Variants in CAMK1D observed in about 807,000 individuals in gnomAD.
The protein encoded by CAMK1D is calcium/calmodulin dependent protein kinase ID.
In CAMK1D, 9 loss-of-function variants were observed where a neutral mutation model predicts 47.7. That is an observed-to-expected ratio of 0.19 (90% CI 0.11 to 0.33). The LOEUF (loss-of-function observed/expected upper bound fraction) is 0.33, where lower values mean the gene tolerates loss of function less well. Among genes scored for constraint, CAMK1D ranks in the 10% least tolerant of loss-of-function variants. CAMK1D has a pLI of 1.00. For synonymous variants in CAMK1D, 184 were observed against 184.9 expected (o/e 0.99, Z 0.04); for missense variants, 291 against 488.7 (o/e 0.60, Z 3.81).
chr10:12,440,302 T>G (rs939665220), intron 1 of CAMK1D, among the ~76,000 whole-genome samples: 1 of 125,432 alleles, frequency 8.0e-6, no homozygotes. Context: ...TTTTTTTTTT[T>G]GAGACGGAGT....
chr10:12,700,248 A>G (rs1833459383), intron 3 of CAMK1D, among the ~76,000 whole-genome samples: 1 of 152,202 alleles, frequency 6.6e-6, no homozygotes, highest in Non-Finnish European at 1.5e-5. Flanking sequence ...AAAGAGGTTT[A>G]GTTGACTCCC....
chr10:12,817,009 T>C lies in CAMK1D; in HGVS notation c.833+681T>C, dbSNP rs572350151. Among the ~76,000 whole-genome samples the C allele has an allele frequency of 8.1e-3, 914 of 112,288 alleles. 8 individuals carry two copies. Among genetic ancestry groups the C allele is most frequent in the Admixed American group, 0.027 (334 of 12,256 alleles). The allele number at this position is 112,288 out of a possible 152,430, so 73.7% of individuals were successfully genotyped here. On this transcript the variant is annotated intron_variant, in intron 8 of 10. Transcript: ENST00000619168. ...GTGGAAGGCAAGGAGTAGCAAGTCA[T>C]ATCTTACATGGATGGGAGCAGGCAA...
chr10:12,690,314 A>C (rs1223357763), intron 3 of CAMK1D, among the ~76,000 whole-genome samples: 1 of 152,172 alleles, frequency 6.6e-6, no homozygotes, highest in African/African-American at 2.4e-5. Context: ...AAAGACCATG[A>C]GATTTGTGGA....
chr10:12,436,585 C>A (rs895741947), intron 1 of CAMK1D, among the ~76,000 whole-genome samples: 1 of 152,168 alleles, frequency 6.6e-6, no homozygotes, highest in Admixed American at 6.5e-5. Flanking sequence ...GGTTCCCCTA[C>A]CTGGTGGGAA....
intron 1 of CAMK1D, among the ~76,000 whole-genome samples, chr10:12,468,242 A>G (rs796184858): frequency 3.3e-5 from 5 of 152,020 alleles, no homozygotes; most frequent in African/African-American, 1.2e-4. Context: ...ATTTTCTGTA[A>G]AGACGGGTCT....
intron 2 of CAMK1D, among the ~76,000 whole-genome samples, chr10:12,567,842 G>A (rs1837171987): frequency 6.6e-6 from 1 of 152,098 alleles, no homozygotes; most frequent in Non-Finnish European, 1.5e-5. Context: ...AAATTTCAGA[G>A]AGTGCCTCGA....
intron 4 of CAMK1D, among the ~76,000 whole-genome samples, chr10:12,768,569 C>T (rs190364178): frequency 6.6e-6 from 1 of 152,130 alleles, no homozygotes; most frequent in Non-Finnish European, 1.5e-5. Flanking sequence ...ATTCCTCATT[C>T]ACTGGGTGAG....
At chr10:12,541,606 G>T (rs185352774) in intron 1 of CAMK1D, among the ~76,000 whole-genome samples, 1 of 152,162 alleles carries the variant, frequency 6.6e-6, no homozygotes, top group Admixed American at 6.5e-5. Flanking sequence ...TGATTCACCC[G>T]CCTTGGCCCC....
chr10:12,586,641 C>T (rs1402518770), intron 2 of CAMK1D, among the ~76,000 whole-genome samples: 1 of 152,048 alleles, frequency 6.6e-6, no homozygotes, highest in Non-Finnish European at 1.5e-5. Context: ...GTTGCTGTGT[C>T]CCGAGCTGCA....
chr10:12,629,955 A>G (rs1301514619), intron 2 of CAMK1D, among the ~76,000 whole-genome samples: 1 of 152,184 alleles, frequency 6.6e-6, no homozygotes, highest in Non-Finnish European at 1.5e-5. Context: ...ACTGCAGTGG[A>G]TGGAGGCAGG....
At chr10:12,734,368 ATATATAT>A (rs1835050963) in intron 3 of CAMK1D, among the ~76,000 whole-genome samples, 2 of 21,244 alleles carry the variant, frequency 9.4e-5, no homozygotes, top group East Asian at 1.2e-3. Context: ...ATATATATAT[ATATATAT>A]ATAGATATAG....
chr10:12,370,572 T>TC (rs1412096795), intron 1 of CAMK1D, among the ~76,000 whole-genome samples: 1 of 152,116 alleles, frequency 6.6e-6, no homozygotes, highest in Non-Finnish European at 1.5e-5. Context: ...ATATTGATGA[T>TC]CCCGATCCTG....
chr10:12,790,212 T>A (rs780979559), intron 5 of CAMK1D, among the ~76,000 whole-genome samples: 1 of 152,238 alleles, frequency 6.6e-6, no homozygotes, highest in Non-Finnish European at 1.5e-5. Context: ...TGAATTGCAG[T>A]TTTTCTGTTT....
intron 5 of CAMK1D, among the ~76,000 whole-genome samples, chr10:12,773,401 C>G (rs1436080475): frequency 1.3e-5 from 2 of 152,186 alleles, no homozygotes; most frequent in Non-Finnish European, 2.9e-5. Flanking sequence ...TGCATATAAC[C>G]TAGGCGTGGC....
chr10:12,536,386 C>T (rs907756556), intron 1 of CAMK1D, among the ~76,000 whole-genome samples: 5 of 152,296 alleles, frequency 3.3e-5, no homozygotes, highest in Non-Finnish European at 7.4e-5. Context: ...TCAAGCCATT[C>T]TCCTACCTTA....
intron 1 of CAMK1D, among the ~76,000 whole-genome samples, chr10:12,407,166 G>A (rs559954915): frequency 2.0e-5 from 3 of 152,108 alleles, no homozygotes; most frequent in Non-Finnish European, 4.4e-5. Context: ...CATGCCCTGC[G>A]TTCATGGCCA....
chr10:12,795,147 C>T (rs996439232), intron 6 of CAMK1D, among the ~76,000 whole-genome samples: 1 of 152,032 alleles, frequency 6.6e-6, no homozygotes, highest in Non-Finnish European at 1.5e-5. Flanking sequence ...GGGAAAAGCA[C>T]CATCAAGGCG....
At chr10:12,793,581 A>T (rs776217665) in intron 6 of CAMK1D, among the ~76,000 whole-genome samples, 2 of 152,266 alleles carry the variant, frequency 1.3e-5, no homozygotes, top group Non-Finnish European at 2.9e-5. Context: ...CAAGGTATCA[A>T]CCAATTCGTT....
intron 2 of CAMK1D, among the ~76,000 whole-genome samples, chr10:12,566,066 C>A (rs1273524183): frequency 6.6e-6 from 1 of 152,138 alleles, no homozygotes; most frequent in Non-Finnish European, 1.5e-5. Flanking sequence ...CAAGTCATTT[C>A]AACTCTCAGC....
Sources: gnomAD v4.1 joint callset for allele counts (sites outside exome capture counted in the v4.1 genomes callset) on GRCh38, gnomAD v4.1.1 for gene constraint, MANE v1.5 for transcripts, NCBI Gene and HGNC (gene_info 2026-07-23, HGNC 2026-07-21) for gene names.